Variants in AIFM1 observed in about 807,000 individuals in gnomAD.
AIFM1 encodes the protein apoptosis-inducing factor 1, mitochondrial.
A neutral mutation model predicts 51.7 loss-of-function variants in AIFM1; 3 were observed. The ratio of observed to expected loss-of-function variants is 0.06; its 90% CI spans 0.03 to 0.15. The LOEUF (loss-of-function observed/expected upper bound fraction) is 0.15, where lower values mean the gene tolerates loss of function less well. Ranked by LOEUF, AIFM1 falls within the 10% of genes least tolerant of loss-of-function variation. AIFM1 has a pLI of 1.00. For missense variants in AIFM1, 330 were observed against 476.8 expected, an observed-to-expected ratio of 0.69 and a Z score of 2.87; for synonymous variants, 178 against 179.4, an observed-to-expected ratio of 0.99 and a Z score of 0.06.
intron 1 of AIFM1, among the ~76,000 whole-genome samples, chrX:130,160,233 T>C (rs1365683206): frequency 1.8e-5 from 2 of 111,976 alleles, no homozygotes; most frequent in Non-Finnish European, 3.8e-5. Flanking sequence ...CTTTTCCCTA[T>C]GAAATTCCTC....
Position 130,129,572 on chromosome X carries a change from G to A in AIFM1, c.1827C>T (p.Asn609=), listed in dbSNP as rs2029972770. 3 of 1,210,669 alleles carry A rather than the reference G, an allele frequency of 2.5e-6. No individual in the cohort carries two copies. The highest frequency in any genetic ancestry group is 2.2e-6 in the Non-Finnish European group (2 of 894,561). ...EDLNEVAKLF[N]IHED is the part of the protein sequence containing the mutation. ...CTGTGGGGCTTCAGTCTTCATGAAT[G>A]TTGAATAGTTTGGCTACTTCATTGA... Residue 609 remains asparagine (N), a synonymous_variant, in exon 16 of 16, where the codon AAC becomes AAT. Transcript: ENST00000287295.
intron 8 of AIFM1, among the ~76,000 whole-genome samples, chrX:130,138,936 T>A (rs2030475484): frequency 9.0e-6 from 1 of 111,530 alleles, no homozygotes; most frequent in Non-Finnish European, 1.9e-5. Flanking sequence ...CAGGAGGACA[T>A]CTGGCAATAT....
At chrX:130,142,596 T>C (rs1221309275) in intron 6 of AIFM1, among the ~76,000 whole-genome samples, 1 of 111,638 alleles carries the variant, frequency 9.0e-6, no homozygotes, top group Non-Finnish European at 1.9e-5. Context: ...CATTTAAATC[T>C]TTTGAAAGAG....
chrX:130,143,047 T>C (rs2030632764), intron 6 of AIFM1, among the ~76,000 whole-genome samples: 1 of 112,025 alleles, frequency 8.9e-6, no homozygotes, highest in African/African-American at 3.2e-5. Context: ...GGTTTCCTCA[T>C]ACTGCTCTTT....
chrX:130,146,238 G>A (rs758991291), intron 5 of AIFM1, among the ~76,000 whole-genome samples: 2 of 111,407 alleles, frequency 1.8e-5, no homozygotes, highest in Admixed American at 1.9e-4. Flanking sequence ...AGGAGTTTGA[G>A]ACCAGATTGG....
intron 8 of AIFM1, among the ~76,000 whole-genome samples, chrX:130,139,256 C>T (rs2030488470): frequency 9.1e-6 from 1 of 109,623 alleles, no homozygotes; most frequent in African/African-American, 3.3e-5. Flanking sequence ...CGCTTGAACC[C>T]GGGAGGCGGA....
chrX:130,138,550 T>G (rs770815681), intron 9 of AIFM1, 43 bp downstream of exon 9: 5 of 950,403 alleles, frequency 5.3e-6, no homozygotes, highest in Non-Finnish European at 7.6e-6. Flanking sequence ...AAAAGCTATA[T>G]AAGACTAGAG....
At chrX:130,148,928 T>TTC (rs2030858809) in intron 3 of AIFM1, among the ~76,000 whole-genome samples, 1 of 101,643 alleles carries the variant, frequency 9.8e-6, no homozygotes, top group Non-Finnish European at 2.0e-5. Flanking sequence ...GAGACTTTTT[T>TTC]TTTTTTTTTT....
chrX:130,147,416 C>G, intron 5 of AIFM1, 77 bp downstream of exon 5: 1 of 1,170,161 alleles, frequency 8.5e-7, no homozygotes, highest in Non-Finnish European at 1.2e-6. Context: ...TTACTGTACA[C>G]AGTCAGTGGC....
chrX:130,147,916 T>C (rs1227692693), intron 3 of AIFM1, 40 bp from the exon 4 acceptor site: 1 of 1,207,181 alleles, frequency 8.3e-7, no homozygotes, highest in East Asian at 3.0e-5. Context: ...CTTCTTGAAG[T>C]CTCAGATGAT....
chrX:130,145,442 C>A (rs764320899), intron 6 of AIFM1, 37 bp downstream of exon 6: 1 of 1,072,416 alleles, frequency 9.3e-7, no homozygotes, highest in Non-Finnish European at 1.3e-6. Context: ...TGGGCAAGTA[C>A]GTAGAGCCTG....
At chrX:130,133,795 AT>A (rs779208595) in intron 12 of AIFM1, among the ~76,000 whole-genome samples, 398 of 99,612 alleles carry the variant, frequency 4.0e-3, no homozygotes, top group African/African-American at 4.9e-3. Flanking sequence ...GCCTGGCTAA[AT>A]TTTTTTTTTT....
rs751295094 is a variant in AIFM1 at position 130,131,058 on chromosome X, A to T, written c.1573+617T>A. 3.6e-5 allele frequency among the ~76,000 whole-genome samples: 4 copies of T among 112,597 alleles called. No homozygotes were observed. The South Asian group carries it at 1.5e-3, about 41-fold the overall frequency. ...TCTGGCAAAAGGATGCAGAAGTTAA[A>T]TAACTTGAGCTAAGGTCAAGGAATA... On this transcript the variant is annotated intron_variant, in intron 14 of 15. Coordinates refer to ENST00000287295, the MANE Select transcript of AIFM1 (RefSeq NM_004208.4).
chrX:130,142,088 G>T (rs1445179397), intron 6 of AIFM1, among the ~76,000 whole-genome samples: 1 of 112,172 alleles, frequency 8.9e-6, no homozygotes, highest in Non-Finnish European at 1.9e-5. Context: ...CACCTACTAT[G>T]TATCAAGTTG....
chrX:130,162,420 T>C (rs23963), intron 1 of AIFM1, among the ~76,000 whole-genome samples: 54,690 of 111,146 alleles, frequency 0.49, 10,319 homozygotes, highest in African/African-American at 0.69. Flanking sequence ...AGGAACTGGT[T>C]CTCTACTCGA....
intron 1 of AIFM1, among the ~76,000 whole-genome samples, chrX:130,161,513 G>GAAAA (rs777227605): frequency 1.6e-5 from 1 of 60,931 alleles, no homozygotes; most frequent in Non-Finnish European, 3.2e-5. Context: ...TCTGTTTGAA[G>GAAAA]AAAAAAAAAA....
chrX:130,153,674 G>A (rs892382799), intron 2 of AIFM1, among the ~76,000 whole-genome samples: 1 of 110,536 alleles, frequency 9.0e-6, no homozygotes, highest in African/African-American at 3.3e-5. Context: ...ATACAGGAAG[G>A]GGAAGACACC....
chrX:130,162,429 G>A (rs1250989056), intron 1 of AIFM1, among the ~76,000 whole-genome samples: 7 of 111,954 alleles, frequency 6.3e-5, no homozygotes, highest in Non-Finnish European at 9.4e-5. Flanking sequence ...TTCTCTACTC[G>A]ATTCACATGA....
chrX:130,141,700 T>C (rs1287256555), intron 6 of AIFM1, among the ~76,000 whole-genome samples: 1 of 111,641 alleles, frequency 9.0e-6, no homozygotes, highest in Non-Finnish European at 1.9e-5. Context: ...AATCACTGTT[T>C]TGAGCCACCT....
Sources: allele counts gnomAD v4.1 joint callset (sites outside exome capture counted in the v4.1 genomes callset), GRCh38; gene constraint gnomAD v4.1.1; transcripts MANE v1.5; gene names NCBI Gene and HGNC (gene_info 2026-07-23, HGNC 2026-07-21).